Variants in ARID4B observed in about 807,000 individuals in gnomAD.
ARID4B encodes AT-rich interactive domain-containing protein 4B.
A neutral mutation model predicts 147.5 loss-of-function variants in ARID4B; 26 were observed. The ratio of observed to expected loss-of-function variants is 0.18; its 90% confidence interval spans 0.13 to 0.24. The LOEUF is 0.24. Among genes scored for constraint, ARID4B ranks in the 10% least tolerant of loss-of-function variants. ARID4B has a pLI of 1.00. For synonymous variants in ARID4B, 512 were observed against 507.9 expected (o/e 1.01, Z -0.11); for missense variants, 1,179 against 1,511.5 (o/e 0.78, Z 3.65).
intron 13 of ARID4B, among the ~76,000 whole-genome samples, chr1:235,222,423 G>A (rs954516817): frequency 1.3e-5 from 2 of 152,008 alleles, no homozygotes; most frequent in Admixed American, 6.6e-5. Context: ...CGTACATCAC[G>A]TCAACCTTAA....
chr1:235,305,889 G>C (rs992347494), intron 2 of ARID4B, among the ~76,000 whole-genome samples: 3 of 152,148 alleles, frequency 2.0e-5, no homozygotes, highest in African/African-American at 7.2e-5. Flanking sequence ...GGGCCCAAGA[G>C]GTCAAGGTTA....
chr1:235,261,606 A>G, intron 2 of ARID4B, among the ~76,000 whole-genome samples: 1 of 152,220 alleles, frequency 6.6e-6, no homozygotes, highest in Non-Finnish European at 1.5e-5. Context: ...AAACTATATG[A>G]AGAAAGTCAT....
chr1:235,187,990 A>G (rs1664807792), intron 19 of ARID4B, among the ~76,000 whole-genome samples: 1 of 152,164 alleles, frequency 6.6e-6, no homozygotes, highest in African/African-American at 2.4e-5. Context: ...GGAAAGATTT[A>G]TAAGTTATAC....
intron 2 of ARID4B, among the ~76,000 whole-genome samples, chr1:235,306,087 T>C (rs892458241): frequency 1.3e-5 from 2 of 152,188 alleles, no homozygotes; most frequent in African/African-American, 4.8e-5. Context: ...AAGAACATGA[T>C]GACCAGGAAA....
chr1:235,201,228 T>C (rs4553178), intron 17 of ARID4B, among the ~76,000 whole-genome samples: 44,238 of 152,046 alleles, frequency 0.29, 7,563 homozygotes, highest in South Asian at 0.53. Context: ...AGCTAAGAAA[T>C]AGAAGGCCAT....
intron 19 of ARID4B, among the ~76,000 whole-genome samples, chr1:235,186,836 T>C (rs1187608644): frequency 6.6e-6 from 1 of 152,066 alleles, no homozygotes; most frequent in Non-Finnish European, 1.5e-5. Flanking sequence ...GCTGGGATTA[T>C]AGGCACCAAC....
At chr1:235,184,779 T>C (rs776673746) in intron 19 of ARID4B, among the ~76,000 whole-genome samples, 14 of 152,308 alleles carry the variant, frequency 9.2e-5, no homozygotes, top group Non-Finnish European at 1.6e-4. Context: ...CTGATAGTTA[T>C]AGTCATCTCT....
rs928655591 is a variant in ARID4B, at chr1:235,256,414, C to T, written c.184-664G>A. On this transcript the variant is annotated intron_variant, in intron 4 of 23. Transcript: ENST00000264183. ...TTTCCACTCTTCTTTCAAGGAACCT[C>T]AGGAAGGATAGGGACAATTTAAAAA... Among the ~76,000 whole-genome samples the T allele has an allele frequency of 4.6e-5, 7 of 152,090 alleles. No individual in the cohort carries two copies. The South Asian group carries it at 1.5e-3, about 32-fold the overall frequency.
rs567824589 is a variant in ARID4B, at chr1:235,220,882, CTTTTTTTGTT to C, written c.1164-347_1164-338del. 4.8e-3 allele frequency among the ~76,000 whole-genome samples: 559 copies of C among 115,514 alleles called. 6 individuals are homozygous for C. The East Asian group carries it at 0.054, about 11-fold the overall frequency. 75.8% of individuals were successfully genotyped at this position (115,514 alleles called of 152,430 possible). On this transcript the variant is annotated intron_variant, in intron 14 of 23. Transcript: ENST00000264183. ...TAACCCTGGGGCACACAGCAGCATC[CTTTTTTTGTT>C]TTTTTTTGTTTTTTTTTGTTTTTTT...
rs1667707387 is a variant in ARID4B, at chr1:235,224,617, C to T, written c.970+86G>A. 1.6e-5 allele frequency: 15 copies of T among 939,216 alleles called. No homozygotes were observed. The East Asian group carries it at 2.6e-4, about 16-fold the overall frequency. 58.2% of individuals were successfully genotyped at this position (939,216 alleles called of 1,614,324 possible). A position where few individuals can be genotyped will look rare whatever the true frequency, so the allele number is the denominator to read the frequency against. On this transcript the variant is annotated intron_variant, in intron 12 of 23. Coordinates refer to ENST00000264183, the MANE Select transcript of ARID4B (RefSeq NM_016374.6). ...CCATAATTACTGATGACATAAAGTT[C>T]AGTAAACAAAATTCTATTCTTATTT...
intron 2 of ARID4B, among the ~76,000 whole-genome samples, chr1:235,262,753 G>A (rs1355334593): frequency 6.6e-6 from 1 of 152,048 alleles, no homozygotes; most frequent in Non-Finnish European, 1.5e-5. Flanking sequence ...GACTGCTTGA[G>A]CTCAGGAGTT....
Position 235,182,417 on chromosome 1 carries a change from T to C in ARID4B, c.2502A>G (p.Leu834=), listed in dbSNP as rs1216044573. 2 of 1,609,506 alleles carry C rather than the reference T, an allele frequency of 1.2e-6. No homozygotes were observed. Among genetic ancestry groups the C allele is most frequent in the East Asian group, 2.2e-5 (1 of 44,874 alleles). Residue 834 remains leucine, a synonymous_variant, in exon 20 of 24, where the codon CTA becomes CTG. Coordinates refer to ENST00000264183, the MANE Select transcript of ARID4B (RefSeq NM_016374.6). ...CCTTTTTGCCAGGTGATCCAGTTTTTAGACACTCTTCTGTATTGCAATACC... is the reference window on the plus strand; with the variant it reads ...CCTTTTTGCCAGGTGATCCAGTTTTCAGACACTCTTCTGTATTGCAATACC... ...KRRYCNTEEC[L]KTGSPGKKEE...
intron 9 of ARID4B, among the ~76,000 whole-genome samples, chr1:235,234,024 A>G (rs958546523): frequency 1.3e-5 from 2 of 152,250 alleles, no homozygotes; most frequent in South Asian, 4.1e-4. Flanking sequence ...GGTTGCAGTG[A>G]GCCGAAACTG....
chr1:235,308,961 C>A (rs1167992142), intron 2 of ARID4B, among the ~76,000 whole-genome samples: 3 of 151,276 alleles, frequency 2.0e-5, no homozygotes, highest in African/African-American at 7.3e-5. Context: ...AGGAGCCCCT[C>A]TGCCTGGCTG....
intron 2 of ARID4B, among the ~76,000 whole-genome samples, chr1:235,297,217 T>C (rs989277768): frequency 6.6e-6 from 1 of 151,738 alleles, no homozygotes; most frequent in African/African-American, 2.4e-5. Context: ...GATGAGACAA[T>C]TGAAACATGA....
intron 11 of ARID4B, chr1:235,228,310 T>A (rs200054338): frequency 5.4e-5 from 7 of 129,540 alleles, no homozygotes; most frequent in East Asian, 4.1e-4. Context: ...TTTTTTTTTT[T>A]AATAAGACAG....
intron 2 of ARID4B, among the ~76,000 whole-genome samples, chr1:235,284,672 G>A (rs1671861845): frequency 6.6e-6 from 1 of 151,956 alleles, no homozygotes; most frequent in Non-Finnish European, 1.5e-5. Context: ...TTAAAATTTG[G>A]AATTATTCCC....
chr1:235,267,324 T>A (rs982217568), intron 2 of ARID4B, among the ~76,000 whole-genome samples: 1 of 152,144 alleles, frequency 6.6e-6, no homozygotes, highest in African/African-American at 2.4e-5. Flanking sequence ...TAAATGTACT[T>A]AAACACAAAC....
In ARID4B at chr1:235,194,130, ATGG is replaced by A. The variant is rs1665317754; in HGVS notation, c.2005_2007del (p.Pro669del). The A allele has an allele frequency of 6.2e-7, 1 of 1,613,436 alleles. No individual in the cohort carries two copies. Among genetic ancestry groups the A allele is most frequent in the Non-Finnish European group, 8.5e-7 (1 of 1,179,420 alleles). On this transcript the variant is annotated inframe_deletion, in exon 19 of 24. Coordinates refer to ENST00000264183, the MANE Select transcript of ARID4B (RefSeq NM_016374.6). ...ATTTCAGGAGATGGATTTGTCTGAA[ATGG>A]TGGTTTGGACAAGCGCCGAAGTTTA...
Sources: allele counts gnomAD v4.1 joint callset (sites outside exome capture counted in the v4.1 genomes callset), GRCh38; gene constraint gnomAD v4.1.1; transcripts MANE v1.5; gene names NCBI Gene and HGNC (gene_info 2026-07-23, HGNC 2026-07-21).